The following PPP1R16B variants were observed in gnomAD, a reference collection of about 807,000 sequenced individuals.
The protein encoded by PPP1R16B is protein phosphatase 1 regulatory inhibitor subunit 16B.
A neutral mutation model predicts 61.7 loss-of-function variants in PPP1R16B; 14 were observed. The ratio of observed to expected loss-of-function variants is 0.23; its 90% confidence interval spans 0.15 to 0.35. The LOEUF is 0.35. Ranked by LOEUF, PPP1R16B falls within the 10% of genes least tolerant of loss-of-function variation. The pLI, the probability that PPP1R16B is intolerant of heterozygous loss-of-function variation, is 1.00. For missense variants in PPP1R16B, 547 were observed against 752.5 expected (o/e 0.73, Z 3.19); for synonymous variants, 266 against 305.3 (o/e 0.87, Z 1.34).
chr20:38,861,433 C>G (rs145107054), intron 2 of PPP1R16B, among the ~76,000 whole-genome samples: 2 of 152,200 alleles, frequency 1.3e-5, no homozygotes, highest in Non-Finnish European at 2.9e-5. Context: ...AGCCAAGACT[C>G]CTGTGTCCCT....
intron 2 of PPP1R16B, among the ~76,000 whole-genome samples, chr20:38,885,057 A>AG (rs1292958815): frequency 0.021 from 3,037 of 141,966 alleles, 63 homozygotes; most frequent in Admixed American, 0.054. Context: ...AAAAAAAAAA[A>AG]AAGAAGAAGA....
At chr20:38,835,532 G>A (rs2084863709) in intron 1 of PPP1R16B, among the ~76,000 whole-genome samples, 1 of 152,250 alleles carries the variant, frequency 6.6e-6, no homozygotes, top group African/African-American at 2.4e-5. Flanking sequence ...TATGAAGCAT[G>A]TGGCGATTGT....
intron 2 of PPP1R16B, among the ~76,000 whole-genome samples, chr20:38,853,793 C>T (rs1056408035): frequency 6.6e-6 from 1 of 152,196 alleles, no homozygotes; most frequent in African/African-American, 2.4e-5. Context: ...CTGGGTCAGC[C>T]AGTGTCTGGG....
chr20:38,811,782 A>G (rs960930448), intron 1 of PPP1R16B, among the ~76,000 whole-genome samples: 4 of 152,208 alleles, frequency 2.6e-5, no homozygotes, highest in Non-Finnish European at 5.9e-5. Context: ...AGTAGACACC[A>G]GGGGTGCTGC....
chr20:38,909,253 G>C (rs1223191423), intron 10 of PPP1R16B, among the ~76,000 whole-genome samples: 1 of 152,052 alleles, frequency 6.6e-6, no homozygotes, highest in Non-Finnish European at 1.5e-5. Flanking sequence ...TCCCACCTTG[G>C]CTTCCCAAAG....
At chr20:38,847,569 C>T (rs993010415) in intron 2 of PPP1R16B, among the ~76,000 whole-genome samples, 1 of 152,186 alleles carries the variant, frequency 6.6e-6, no homozygotes. Context: ...GTTGGCCAGG[C>T]TGGTCTCAAA....
chr20:38,903,218 C>T (rs910117197), intron 6 of PPP1R16B, among the ~76,000 whole-genome samples: 1 of 152,174 alleles, frequency 6.6e-6, no homozygotes, highest in Admixed American at 6.5e-5. Flanking sequence ...TGGCTCCCAC[C>T]TGTTCACCAA....
chr20:38,881,589 G>A (rs2085204002), intron 2 of PPP1R16B, among the ~76,000 whole-genome samples: 1 of 152,226 alleles, frequency 6.6e-6, no homozygotes, highest in South Asian at 2.1e-4. Flanking sequence ...ACCTACAATG[G>A]AGATGCAGCA....
In PPP1R16B at chr20:38,920,861, A is replaced by AT. The variant is rs2085590694; in HGVS notation, c.*2197dup. 1 of 152,198 alleles carries AT rather than the reference A, an allele frequency of 6.6e-6. No homozygotes were observed. Among genetic ancestry groups the AT allele is most frequent in the African/African-American group, 2.4e-5 (1 of 41,436 alleles). The allele number at this position is 152,198 out of a possible 1,614,324, so 9.4% of individuals were successfully genotyped here. Reference sequence around the variant, plus strand: ...CAGGATGATCTAAAACACACGTACCATTGGCTGTAAAACAGTATGAGCCCA... The same window carrying AT: ...CAGGATGATCTAAAACACACGTACCATTTGGCTGTAAAACAGTATGAGCCCA... On this transcript the variant is annotated 3_prime_UTR_variant, in exon 11 of 11. Transcript: ENST00000299824.
chr20:38,902,848 C>G (rs1023605283), intron 6 of PPP1R16B, 56 bp downstream of exon 6: 23 of 1,610,548 alleles, frequency 1.4e-5, no homozygotes, highest in Non-Finnish European at 2.0e-5. Flanking sequence ...AGTGGGCCAG[C>G]ACCTGGTGGG....
rs192950589 is a variant in PPP1R16B at position 38,913,245 on chromosome 20, T to C, written c.1195-4912T>C. On this transcript the variant is annotated intron_variant, in intron 10 of 10. Coordinates refer to ENST00000299824, the MANE Select transcript of PPP1R16B (RefSeq NM_015568.4). ...CTCAGGAGTTGGGACCTCAGCATTG[T>C]ATATGTTTGTCATTGGTGTTTTTTT... 4.7e-3 allele frequency among the ~76,000 whole-genome samples: 713 copies of C among 152,064 alleles called. 3 individuals are homozygous for C. Among genetic ancestry groups the C allele is most frequent in the Non-Finnish European group, 7.8e-3 (532 of 67,992 alleles).
intron 2 of PPP1R16B, among the ~76,000 whole-genome samples, chr20:38,843,205 A>G (rs950642408): frequency 6.6e-6 from 1 of 152,262 alleles, no homozygotes; most frequent in Non-Finnish European, 1.5e-5. Context: ...TTATTCATTC[A>G]TTAAGTCAGA....
At chr20:38,835,702 C>T in intron 1 of PPP1R16B, 123 bp from the exon 2 acceptor site, 1 of 561,398 alleles carries the variant, frequency 1.8e-6, no homozygotes, top group East Asian at 2.9e-5. Flanking sequence ...ATTTGCACTT[C>T]TCTTGAGGAG....
At chr20:38,821,390 G>A (rs1432197268) in intron 1 of PPP1R16B, among the ~76,000 whole-genome samples, 1 of 152,160 alleles carries the variant, frequency 6.6e-6, no homozygotes, top group East Asian at 1.9e-4. Context: ...GAAGCTAAGG[G>A]GGAAGCACTA....
At chr20:38,888,828 G>C (rs2085266444) in intron 2 of PPP1R16B, among the ~76,000 whole-genome samples, 1 of 148,226 alleles carries the variant, frequency 6.7e-6, no homozygotes, top group Non-Finnish European at 1.5e-5. Flanking sequence ...GGGATTCCAG[G>C]CTGTCAATGC....
chr20:38,808,040 CAG>C lies in PPP1R16B; in HGVS notation c.-102+2249_-102+2250del, dbSNP rs996739067. Among the ~76,000 whole-genome samples the C allele has an allele frequency of 1.4e-3, 207 of 152,344 alleles. 1 individual carries two copies. The highest frequency in any genetic ancestry group is 4.7e-3 in the African/African-American group (197 of 41,578). ...TAAGTCATTTCAGGAGCTTGAGCCACAGGGCTAAGAGGATACTGATGTAGGCA... is the reference window on the plus strand; with the variant it reads ...TAAGTCATTTCAGGAGCTTGAGCCACGGCTAAGAGGATACTGATGTAGGCA... On this transcript the variant is annotated intron_variant, in intron 1 of 10. Transcript: ENST00000299824.
Position 38,806,202 on chromosome 20 carries a change from AC to A in PPP1R16B, c.-102+419del, listed in dbSNP as rs568655910. ...CGGGAGCCACAGCGGACACCAAACA[AC>A]CCCCCCCCGCGCACTCTCCCGGCCG... On this transcript the variant is annotated intron_variant, in intron 1 of 10. Transcript: ENST00000299824. The surrounding 1 kb of genome is among the most constrained non-coding windows in gnomAD (Gnocchi z 4.5). 6.3e-5 allele frequency among the ~76,000 whole-genome samples: 9 copies of A among 142,706 alleles called. No homozygotes were observed. The highest frequency in any genetic ancestry group is 7.9e-5 in the African/African-American group (3 of 38,118). 93.6% of individuals were successfully genotyped at this position (142,706 alleles called of 152,430 possible). A position where few individuals can be genotyped will look rare whatever the true frequency, so the allele number is the denominator to read the frequency against.
At chr20:38,814,125 T>C (rs2084720008) in intron 1 of PPP1R16B, among the ~76,000 whole-genome samples, 1 of 152,138 alleles carries the variant, frequency 6.6e-6, no homozygotes, top group African/African-American at 2.4e-5. Context: ...ACTCTGATTT[T>C]ACTGTTCAGG....
chr20:38,815,812 C>T (rs2084731765), intron 1 of PPP1R16B, among the ~76,000 whole-genome samples: 4 of 152,188 alleles, frequency 2.6e-5, no homozygotes, highest in African/African-American at 7.2e-5. Flanking sequence ...TGGCCTTAGG[C>T]TTGGAATTGG....
Sources: gnomAD v4.1 joint callset for allele counts (sites outside exome capture counted in the v4.1 genomes callset) on GRCh38, gnomAD v4.1.1 for gene constraint, Gnocchi (gnomAD v3.1) non-coding constraint, MANE v1.5 for transcripts, NCBI Gene and HGNC (gene_info 2026-07-23, HGNC 2026-07-21) for gene names.